The following OCIAD1 variants were observed in gnomAD, a reference collection of about 807,000 sequenced individuals.
The protein encoded by OCIAD1 is OCIA domain-containing protein 1.
A neutral mutation model predicts 38.9 loss-of-function variants in OCIAD1; 29 were observed. That is an observed-to-expected ratio of 0.74 (90% CI 0.55 to 1.02). OCIAD1 has a LOEUF of 1.02. Among genes scored for constraint, OCIAD1 ranks in the 50% least tolerant of loss-of-function variants. The pLI is 0.00. For synonymous variants in OCIAD1, 110 were observed against 92.0 expected (o/e 1.20, Z -1.12); for missense variants, 288 against 289.6 (o/e 0.99, Z 0.04).
intron 8 of OCIAD1, among the ~76,000 whole-genome samples, chr4:48,859,647 G>GT (rs1560445166): frequency 6.6e-6 from 1 of 152,068 alleles, no homozygotes; most frequent in Non-Finnish European, 1.5e-5. Context: ...GGAAAAGCTG[G>GT]TTTTTTGTGT....
At chr4:48,813,888 G>A (rs1209324990) in intron 1 of OCIAD1, among the ~76,000 whole-genome samples, 1 of 152,104 alleles carries the variant, frequency 6.6e-6, no homozygotes, top group Non-Finnish European at 1.5e-5. Context: ...CATTTGGTGA[G>A]AGTTGTAAAA....
upstream of OCIAD1, among the ~76,000 whole-genome samples, chr4:48,827,820 C>A (rs1777265331): frequency 1.3e-5 from 2 of 152,220 alleles, no homozygotes; most frequent in African/African-American, 4.8e-5. Flanking sequence ...GGCATGGGAT[C>A]CACTAGGTGA....
chr4:48,845,939 C>G (rs543224024), intron 4 of OCIAD1, among the ~76,000 whole-genome samples: 1 of 152,356 alleles, frequency 6.6e-6, no homozygotes, highest in East Asian at 1.9e-4. Context: ...TCCATTCTTG[C>G]TACTTCTCCT....
intron 3 of OCIAD1, among the ~76,000 whole-genome samples, chr4:48,835,635 A>G (rs1458047148): frequency 6.6e-6 from 1 of 152,132 alleles, no homozygotes; most frequent in Non-Finnish European, 1.5e-5. Flanking sequence ...AGGTTTTGCC[A>G]TGTTGCCCAG....
At chr4:48,841,122 G>A (rs1458936517) in intron 3 of OCIAD1, among the ~76,000 whole-genome samples, 1 of 152,190 alleles carries the variant, frequency 6.6e-6, no homozygotes, top group Non-Finnish European at 1.5e-5. Flanking sequence ...ATAAAGTTTT[G>A]TTGGAACACA....
chr4:48,823,672 A>AT (rs953782296), intron 1 of OCIAD1, among the ~76,000 whole-genome samples: 6 of 149,874 alleles, frequency 4.0e-5, no homozygotes, highest in African/African-American at 7.3e-5. Context: ...TTTATTTTTA[A>AT]TTTTTTTTTA....
At chr4:48,813,386 G>T (rs2109489432) in intron 1 of OCIAD1, among the ~76,000 whole-genome samples, 1 of 152,336 alleles carries the variant, frequency 6.6e-6, no homozygotes, top group East Asian at 1.9e-4. Context: ...GGGGGTGGTG[G>T]CTCACGCCTG....
At chr4:48,857,525 CT>C (rs367805823) in intron 8 of OCIAD1, among the ~76,000 whole-genome samples, 160 bp downstream of exon 8, 519 of 144,340 alleles carry the variant, frequency 3.6e-3, no homozygotes, top group Middle Eastern at 0.021. Context: ...GTTATCAGTT[CT>C]TTTTTTTTTT....
At chr4:48,841,479 A>G (rs994794790) in intron 3 of OCIAD1, among the ~76,000 whole-genome samples, 1 of 152,204 alleles carries the variant, frequency 6.6e-6, no homozygotes, top group Non-Finnish European at 1.5e-5. Context: ...GTGAAGTTGT[A>G]TCTACCCGGG....
chr4:48,833,442 GTC>G lies in OCIAD1; in HGVS notation c.102_103del (p.Phe35ArgfsTer5). 6.2e-7 allele frequency: 1 copy of G among 1,608,046 alleles called. No individual in the cohort carries two copies. Among genetic ancestry groups the G allele is most frequent in the Non-Finnish European group, 8.5e-7 (1 of 1,175,110 alleles). Reference sequence around the variant, plus strand: ...CATTCCAACAGAGGAAGAAAGGAGAGTCTTCGCAGAATGCAATGATGAAAGCT... The same window carrying G: ...CATTCCAACAGAGGAAGAAAGGAGAGTTCGCAGAATGCAATGATGAAAGCT... ...DYIPTEEERR[V>X]FAECNDESFW... is the part of the protein sequence containing the mutation. On this transcript the variant is annotated frameshift_variant, in exon 3 of 9. Transcript: ENST00000264312. LOFTEE classifies it high-confidence loss of function.
chr4:48,806,759 C>G (rs1332937525), intron 1 of OCIAD1, among the ~76,000 whole-genome samples: 1 of 152,064 alleles, frequency 6.6e-6, no homozygotes, highest in Non-Finnish European at 1.5e-5. Flanking sequence ...GTGCGTGCCA[C>G]CATGCCCAGC....
chr4:48,826,097 C>T (rs967897246), upstream of OCIAD1, among the ~76,000 whole-genome samples: 1 of 152,028 alleles, frequency 6.6e-6, no homozygotes, highest in Non-Finnish European at 1.5e-5. Context: ...CTCAGCCTCC[C>T]GAAGTGCTGG....
chr4:48,835,475 G>A (rs577494356), intron 3 of OCIAD1, among the ~76,000 whole-genome samples: 1 of 151,998 alleles, frequency 6.6e-6, no homozygotes, highest in Non-Finnish European at 1.5e-5. Flanking sequence ...TGTAACATAA[G>A]GTGGAATACC....
chr4:48,846,745 CAA>C (rs765371763), intron 4 of OCIAD1, among the ~76,000 whole-genome samples: 15 of 77,118 alleles, frequency 1.9e-4, no homozygotes, highest in Non-Finnish European at 1.4e-4. Context: ...AGACTCGTCT[CAA>C]AAAAAAAAAA....
chr4:48,811,043 GAC>G (rs1777084907), intron 1 of OCIAD1, among the ~76,000 whole-genome samples: 3 of 151,866 alleles, frequency 2.0e-5, no homozygotes, highest in Admixed American at 2.0e-4. Flanking sequence ...TTTTAATAGA[GAC>G]AGAGTTTTGT....
intron 1 of OCIAD1, among the ~76,000 whole-genome samples, chr4:48,816,690 G>A (rs1257791955): frequency 6.6e-6 from 1 of 152,136 alleles, no homozygotes; most frequent in Non-Finnish European, 1.5e-5. Flanking sequence ...TGAAACGGTG[G>A]CAGGGCACCG....
chr4:48,818,801 G>T (rs747756251), intron 1 of OCIAD1, among the ~76,000 whole-genome samples: 2 of 152,062 alleles, frequency 1.3e-5, no homozygotes, highest in Non-Finnish European at 2.9e-5. Context: ...TAGCTGAATT[G>T]ATCAAGCGGA....
At chr4:48,811,302 A>T (rs1777086892) in intron 1 of OCIAD1, among the ~76,000 whole-genome samples, 1 of 152,198 alleles carries the variant, frequency 6.6e-6, no homozygotes, top group African/African-American at 2.4e-5. Flanking sequence ...ATCTTGTTAA[A>T]ATCCAAGTCA....
chr4:48,819,716 CAAAAA>C (rs576081813), intron 1 of OCIAD1, among the ~76,000 whole-genome samples: 1 of 10,446 alleles, frequency 9.6e-5, no homozygotes, highest in Non-Finnish European at 1.8e-4. Flanking sequence ...TTACCAAGCG[CAAAAA>C]AAAAAAAAAA....
Sources: gnomAD v4.1 joint callset for allele counts (sites outside exome capture counted in the v4.1 genomes callset) on GRCh38, gnomAD v4.1.1 for gene constraint, MANE v1.5 for transcripts, NCBI Gene and HGNC (gene_info 2026-07-23, HGNC 2026-07-21) for gene names.